Variants in CFAP92 observed in about 807,000 individuals in gnomAD.
CFAP92 encodes uncharacterized protein CFAP92.
Under a neutral mutation model 106.3 loss-of-function variants are expected in CFAP92, and 86 were observed. That is an observed-to-expected ratio of 0.81 (90% CI 0.68 to 0.97). The LOEUF is 0.97. Ranked by LOEUF, CFAP92 falls within the 50% of genes least tolerant of loss-of-function variation. The pLI is 0.00. For synonymous variants in CFAP92, 477 were observed against 506.4 expected, an observed-to-expected ratio of 0.94 and a Z score of 0.78; for missense variants, 1,204 against 1,283.8, an observed-to-expected ratio of 0.94 and a Z score of 0.95.
chr3:128,948,567 T>C (rs1940488607), intron 9 of CFAP92, among the ~76,000 whole-genome samples: 1 of 139,982 alleles, frequency 7.1e-6, no homozygotes. Context: ...TCTCGCTCCA[T>C]TGCCCAGGCT....
intron 12 of CFAP92, among the ~76,000 whole-genome samples, chr3:128,926,348 C>A (rs1056136253): frequency 6.6e-6 from 1 of 152,008 alleles, no homozygotes; most frequent in African/African-American, 2.4e-5. Context: ...GAAACCCTGT[C>A]TCTAAAAATA....
chr3:128,919,591 G>T (rs1937101172), intron 12 of CFAP92, among the ~76,000 whole-genome samples: 1 of 152,180 alleles, frequency 6.6e-6, no homozygotes, highest in Non-Finnish European at 1.5e-5. Context: ...AGGCAACCAG[G>T]ATTTGAGAGT....
chr3:128,964,352 T>A (rs1323210908), intron 9 of CFAP92, among the ~76,000 whole-genome samples: 3 of 152,214 alleles, frequency 2.0e-5, no homozygotes, highest in African/African-American at 7.2e-5. Context: ...CAGTCTCATT[T>A]GACACCAGAC....
At chr3:128,995,393 C>A (rs1944441784), upstream of CFAP92, among the ~76,000 whole-genome samples, 2 of 150,648 alleles carry the variant, frequency 1.3e-5, no homozygotes, top group African/African-American at 2.4e-5. Context: ...AAACTCTTAG[C>A]ACGAGAACGG....
rs528570897 is a variant in CFAP92 at position 128,967,267 on chromosome 3, G to A, written c.1169-1572C>T. On this transcript the variant is annotated intron_variant, in intron 8 of 15. Coordinates refer to ENST00000645291, the MANE Select transcript of CFAP92 (RefSeq NM_001394090.1). The stretch of plus-strand genomic sequence containing the variant: ...CCAGGTGTGCACAGCCATCTGCACA[G>A]GCTGTGAACAGAGGCGTGCACAGCT... The A allele has an allele frequency of 7.7e-4, 117 of 152,316 alleles. 1 individual carries two copies. Among genetic ancestry groups the A allele is most frequent in the African/African-American group, 2.8e-3 (117 of 41,572 alleles). The allele number at this position is 152,316 out of a possible 1,614,324, so 9.4% of individuals were successfully genotyped here.
Position 128,989,571 on chromosome 3 carries a change from C to T in CFAP92, c.263-653G>A, listed in dbSNP as rs569263052. ...GGTACAGATGGGCTTCTGCCAGAGTCCAGAGCCCAAGGAGCCCCCTGACCC... is the reference window on the plus strand; with the variant it reads ...GGTACAGATGGGCTTCTGCCAGAGTTCAGAGCCCAAGGAGCCCCCTGACCC... On this transcript the variant is annotated intron_variant, in intron 2 of 15. Transcript: ENST00000645291. Among the ~76,000 whole-genome samples the T allele has an allele frequency of 1.3e-3, 201 of 152,234 alleles. 1 individual carries two copies. The highest frequency in any genetic ancestry group is 3.9e-3 in the Admixed American group (59 of 15,292).
At chr3:128,980,369 A>G (rs1315548819) in intron 4 of CFAP92, among the ~76,000 whole-genome samples, 2 of 70,816 alleles carry the variant, frequency 2.8e-5, no homozygotes, top group African/African-American at 1.6e-4. Context: ...CCTGTCTCAA[A>G]AAAAAAAAAA....
At chr3:128,961,349 T>G (rs1213953964) in intron 9 of CFAP92, among the ~76,000 whole-genome samples, 1 of 152,142 alleles carries the variant, frequency 6.6e-6, no homozygotes, top group Non-Finnish European at 1.5e-5. Flanking sequence ...CAAGCATCAC[T>G]GACTCTTTCT....
At chr3:128,972,298 A>C (rs1410976379) in intron 7 of CFAP92, among the ~76,000 whole-genome samples, 1 of 151,786 alleles carries the variant, frequency 6.6e-6, no homozygotes, top group East Asian at 1.9e-4. Flanking sequence ...CTGGAGTGCA[A>C]TGGCACGATC....
intron 1 of CFAP92, among the ~76,000 whole-genome samples, chr3:128,999,783 T>C (rs1332057381): frequency 6.6e-6 from 1 of 151,916 alleles, no homozygotes; most frequent in East Asian, 1.9e-4. Flanking sequence ...CCTCAGGCAA[T>C]CCACCCGCCT....
rs1941802822 is a variant in CFAP92, at chr3:128,960,405, C to T, written c.1353+5106G>A. Among the ~76,000 whole-genome samples the T allele has an allele frequency of 2.6e-5, 4 of 152,204 alleles. 1 individual carries two copies. The South Asian group carries it at 6.2e-4, about 24-fold the overall frequency. On this transcript the variant is annotated intron_variant, in intron 9 of 15. Transcript: ENST00000645291. Reference sequence around the variant, plus strand: ...TCTCACCAATTTCAAATCCGGTAAGCGGCCTCTTTTGACTCTCTTCTCCAA... The same window carrying T: ...TCTCACCAATTTCAAATCCGGTAAGTGGCCTCTTTTGACTCTCTTCTCCAA...
intron 10 of CFAP92, among the ~76,000 whole-genome samples, chr3:128,943,920 G>GCCGTTT (rs1553747278): frequency 9.1e-6 from 1 of 110,134 alleles, no homozygotes; most frequent in African/African-American, 3.8e-5. Flanking sequence ...TATTTCCCCC[G>GCCGTTT]TTTTTTTTTT....
At chr3:128,962,492 C>T (rs986871068) in intron 9 of CFAP92, among the ~76,000 whole-genome samples, 1 of 152,150 alleles carries the variant, frequency 6.6e-6, no homozygotes, top group South Asian at 2.1e-4. Context: ...TTATCTGCTT[C>T]CCTGACTATT....
chr3:128,987,987 C>A (rs1576637760), intron 3 of CFAP92, among the ~76,000 whole-genome samples, 158 bp from the exon 4 acceptor site: 1 of 152,136 alleles, frequency 6.6e-6, no homozygotes, highest in African/African-American at 2.4e-5. Context: ...GAAAATGGGG[C>A]GTTGTGTGCT....
upstream of CFAP92, chr3:129,003,733 G>T: frequency 7.8e-7 from 1 of 1,288,324 alleles, no homozygotes; most frequent in Non-Finnish European, 9.9e-7. Context: ...CGTGGCGGGC[G>T]TTCGTCTGGT....
At chr3:129,013,392 A>G in the CFAP92 span, among the ~76,000 whole-genome samples, 3 of 152,180 alleles carry the variant, frequency 2.0e-5, no homozygotes, top group Non-Finnish European at 4.4e-5. Flanking sequence ...TTTATCAACT[A>G]AAAATCTCAA....
intron 4 of CFAP92, among the ~76,000 whole-genome samples, chr3:128,983,406 C>G (rs561331320): frequency 3.9e-5 from 6 of 152,280 alleles, no homozygotes; most frequent in African/African-American, 1.2e-4. Context: ...AGATGAAGAT[C>G]TGACACTGAA....
chr3:128,945,486 G>A lies in CFAP92; in HGVS notation c.1843C>T (p.His615Tyr), dbSNP rs866920940. 3.9e-6 allele frequency: 6 copies of A among 1,536,148 alleles called. No homozygotes were observed. Among genetic ancestry groups the A allele is most frequent in the Non-Finnish European group, 5.2e-6 (6 of 1,146,910 alleles). The change falls in exon 10 of 16, where the codon CAC (histidine) becomes TAC (tyrosine). Residue 615 changes from histidine to tyrosine, a missense_variant. Coordinates refer to ENST00000645291, the MANE Select transcript of CFAP92 (RefSeq NM_001394090.1). Reference sequence around the variant, plus strand: ...CCCCTGGGCATTGGGCCGTGCTGGTGGCCATCTCTGGGGACCCCAAGCCCC... The same window carrying A: ...CCCCTGGGCATTGGGCCGTGCTGGTAGCCATCTCTGGGGACCCCAAGCCCC... The part of the protein sequence containing the change: ...VVGLGVPRDG[H>Y]QHGPMPRGNY...
intron 9 of CFAP92, among the ~76,000 whole-genome samples, chr3:128,963,737 A>G (rs1942139497): frequency 1.3e-5 from 2 of 150,140 alleles, no homozygotes; most frequent in Non-Finnish European, 3.0e-5. Flanking sequence ...AGTACAAGCC[A>G]CTAGCCCGCC....
Sources: allele counts gnomAD v4.1 joint callset (sites outside exome capture counted in the v4.1 genomes callset), GRCh38; gene constraint gnomAD v4.1.1; transcripts MANE v1.5; gene names NCBI Gene and HGNC (gene_info 2026-07-23, HGNC 2026-07-21).